The following PITPNC1 variants were observed in gnomAD, a reference collection of about 807,000 sequenced individuals.
PITPNC1 encodes the protein cytoplasmic phosphatidylinositol transfer protein 1.
In PITPNC1, 18 loss-of-function variants were observed where a neutral mutation model predicts 44.7. That is an observed-to-expected ratio of 0.40 (90% CI 0.28 to 0.60). The LOEUF is 0.60. PITPNC1 is among the 20% of genes least tolerant of loss of function. PITPNC1 has a pLI of 0.39. For missense variants in PITPNC1, 290 were observed against 418.4 expected (o/e 0.69, Z 2.68); for synonymous variants, 141 against 149.6 (o/e 0.94, Z 0.42).
intron 5 of PITPNC1, among the ~76,000 whole-genome samples, chr17:67,599,028 A>ATTTTTTT (rs1415786986): frequency 1.2e-4 from 4 of 32,626 alleles, no homozygotes; most frequent in African/African-American, 5.3e-4. Flanking sequence ...ATATATATAT[A>ATTTTTTT]TATATATTTT....
intron 1 of PITPNC1, among the ~76,000 whole-genome samples, chr17:67,426,789 A>G (rs182445290): frequency 6.6e-6 from 1 of 152,238 alleles, no homozygotes; most frequent in Admixed American, 6.5e-5. Flanking sequence ...TTTATGTATC[A>G]TCATGATTTT....
At chr17:67,651,697 C>T (rs2042211378) in intron 6 of PITPNC1, among the ~76,000 whole-genome samples, 1 of 152,112 alleles carries the variant, frequency 6.6e-6, no homozygotes, top group Admixed American at 6.6e-5. Flanking sequence ...ATCTCCCTAC[C>T]CTCTCCCCTC....
intron 1 of PITPNC1, among the ~76,000 whole-genome samples, chr17:67,528,274 T>A (rs1189751672): frequency 1.3e-5 from 2 of 152,186 alleles, no homozygotes; most frequent in African/African-American, 4.8e-5. Flanking sequence ...ACCCCTGACC[T>A]CAGGTGATCC....
At chr17:67,474,120 A>C (rs552644390) in intron 1 of PITPNC1, among the ~76,000 whole-genome samples, 1 of 152,064 alleles carries the variant, frequency 6.6e-6, no homozygotes, top group East Asian at 1.9e-4. Context: ...ATGCTGGGGG[A>C]GGAATGGGCG....
intron 1 of PITPNC1, among the ~76,000 whole-genome samples, chr17:67,467,274 G>A (rs1036160417): frequency 6.6e-5 from 10 of 151,722 alleles, no homozygotes; most frequent in South Asian, 2.1e-4. Context: ...GGCTGGTCTC[G>A]AACTCCTGAC....
intron 1 of PITPNC1, among the ~76,000 whole-genome samples, chr17:67,442,669 C>G (rs1458479255): frequency 6.6e-6 from 1 of 151,462 alleles, no homozygotes; most frequent in Non-Finnish European, 1.5e-5. Flanking sequence ...GTGGCAAAAC[C>G]CTGTCTCTAC....
At chr17:67,493,159 A>C (rs929098739) in intron 1 of PITPNC1, among the ~76,000 whole-genome samples, 1 of 152,184 alleles carries the variant, frequency 6.6e-6, no homozygotes, top group Non-Finnish European at 1.5e-5. Flanking sequence ...ACCACTCTTT[A>C]ATGTGGCTAT....
chr17:67,661,212 C>T (rs1033841484), intron 6 of PITPNC1, among the ~76,000 whole-genome samples: 16 of 151,628 alleles, frequency 1.1e-4, no homozygotes, highest in African/African-American at 1.9e-4. Context: ...TGGTGGTTTC[C>T]GGGTTGGTTT....
In PITPNC1 at chr17:67,503,912, G is replaced by A. The variant is rs143502589; in HGVS notation, c.49-28890G>A. Reference sequence around the variant, plus strand: ...CCAGAAGTGATTGTTTCCTTCTTTGGCATTTCTGTCTTCCTCTTTTTTTGT... The same window carrying A: ...CCAGAAGTGATTGTTTCCTTCTTTGACATTTCTGTCTTCCTCTTTTTTTGT... On this transcript the variant is annotated intron_variant, in intron 1 of 8. Coordinates refer to ENST00000581322, the MANE Select transcript of PITPNC1 (RefSeq NM_012417.4). 5.6e-3 allele frequency among the ~76,000 whole-genome samples: 845 copies of A among 152,220 alleles called. 2 individuals carry two copies. The highest frequency in any genetic ancestry group is 7.5e-3 in the Non-Finnish European group (511 of 68,008).
At chr17:67,483,962 A>G (rs898121785) in intron 1 of PITPNC1, among the ~76,000 whole-genome samples, 1 of 136,090 alleles carries the variant, frequency 7.3e-6, no homozygotes, top group African/African-American at 2.8e-5. Context: ...CTTGTTGCCC[A>G]GGCTGGAGTG....
intron 2 of PITPNC1, among the ~76,000 whole-genome samples, chr17:67,550,337 T>G (rs980469960): frequency 1.3e-5 from 2 of 152,004 alleles, no homozygotes; most frequent in African/African-American, 4.8e-5. Context: ...TAACCCTGAT[T>G]AACAGCGCAG....
intron 5 of PITPNC1, among the ~76,000 whole-genome samples, chr17:67,614,698 A>T (rs908364657): frequency 6.6e-6 from 1 of 150,626 alleles, no homozygotes; most frequent in Non-Finnish European, 1.5e-5. Flanking sequence ...AATATATAAA[A>T]TAAATAAAAA....
At chr17:67,626,589 T>C (rs1372942007) in intron 5 of PITPNC1, among the ~76,000 whole-genome samples, 2 of 151,988 alleles carry the variant, frequency 1.3e-5, no homozygotes, top group Non-Finnish European at 2.9e-5. Flanking sequence ...AGGCTGGTCT[T>C]AAACTTCTGA....
chr17:67,486,507 C>T (rs949545832), intron 1 of PITPNC1, among the ~76,000 whole-genome samples: 1 of 152,132 alleles, frequency 6.6e-6, no homozygotes, highest in Non-Finnish European at 1.5e-5. Flanking sequence ...TAGCAAAGTA[C>T]AGCTGGGATA....
chr17:67,617,961 G>A (rs192296114), intron 5 of PITPNC1, among the ~76,000 whole-genome samples: 1 of 152,026 alleles, frequency 6.6e-6, no homozygotes, highest in African/African-American at 2.4e-5. Flanking sequence ...GATTCGGGGG[G>A]ACACTCTTCA....
chr17:67,690,328 A>T (rs1049884599), intron 8 of PITPNC1, among the ~76,000 whole-genome samples: 2 of 151,818 alleles, frequency 1.3e-5, no homozygotes, highest in African/African-American at 2.4e-5. Context: ...GACGCCTGTA[A>T]TCCCAGCTAC....
chr17:67,522,250 G>A (rs191509613), intron 1 of PITPNC1, among the ~76,000 whole-genome samples: 10 of 149,846 alleles, frequency 6.7e-5, no homozygotes, highest in Admixed American at 2.7e-4. Flanking sequence ...ATTGCAGTGC[G>A]CCGAGATCAC....
intron 5 of PITPNC1, among the ~76,000 whole-genome samples, chr17:67,624,473 A>G (rs934082811): frequency 1.4e-4 from 22 of 152,154 alleles, no homozygotes; most frequent in African/African-American, 5.3e-4. Context: ...TGCTGGGATT[A>G]CGGGTGTGAG....
rs111690441 is a variant in PITPNC1 at position 67,490,264 on chromosome 17, T to TTG, written c.49-42522_49-42521dup. On this transcript the variant is annotated intron_variant, in intron 1 of 8. Transcript: ENST00000581322. The stretch of plus-strand genomic sequence containing the variant: ...AAGAATGAGGAGACCTGGGTCATAC[T>TTG]TGTGTGTGTGTGTGTGTTATTATCT... Among the ~76,000 whole-genome samples the TTG allele has an allele frequency of 1.0e-3, 151 of 149,496 alleles. 1 individual carries two copies. The highest frequency in any genetic ancestry group is 2.6e-3 in the African/African-American group (106 of 40,680).
Sources: gnomAD v4.1 joint callset for allele counts (sites outside exome capture counted in the v4.1 genomes callset) on GRCh38, gnomAD v4.1.1 for gene constraint, MANE v1.5 for transcripts, NCBI Gene and HGNC (gene_info 2026-07-23, HGNC 2026-07-21) for gene names.